Variants in GREB1L observed in about 807,000 individuals in gnomAD.
GREB1L encodes GREB1 like retinoic acid receptor coactivator.
A neutral mutation model predicts 200.8 loss-of-function variants in GREB1L; 17 were observed. The ratio of observed to expected loss-of-function variants is 0.08; its 90% CI spans 0.06 to 0.13. The LOEUF is 0.13. GREB1L is among the 10% of genes least tolerant of loss of function. The pLI, the probability that GREB1L is intolerant of heterozygous loss-of-function variation, is 1.00. For synonymous variants in GREB1L, 789 were observed against 893.0 expected (o/e 0.88, Z 2.08); for missense variants, 1,657 against 2,367.7 (o/e 0.70, Z 6.23).
At chr18:21,283,023 T>G (rs1262648419) in intron 1 of GREB1L, among the ~76,000 whole-genome samples, 1 of 152,254 alleles carries the variant, frequency 6.6e-6, no homozygotes, top group Non-Finnish European at 1.5e-5. Context: ...AAAAATGATG[T>G]AATGCATACT....
intron 28 of GREB1L, 107 bp downstream of exon 28, chr18:21,514,093 AGC>A: frequency 2.7e-6 from 3 of 1,116,278 alleles, no homozygotes; most frequent in Non-Finnish European, 3.8e-6. Flanking sequence ...AGCTTTCCAG[AGC>A]AAAACAGTCA....
chr18:21,450,803 CT>C (rs1057482443), intron 12 of GREB1L: 8 of 439,374 alleles, frequency 1.8e-5, no homozygotes, highest in African/African-American at 4.0e-5. Context: ...TTTTGTTCCC[CT>C]GATCATCTGT....
intron 25 of GREB1L, among the ~76,000 whole-genome samples, chr18:21,506,615 G>T (rs2037032185): frequency 6.6e-6 from 1 of 152,182 alleles, no homozygotes; most frequent in Non-Finnish European, 1.5e-5. Flanking sequence ...TCCCTTTGGA[G>T]CACTGACTAA....
In GREB1L at chr18:21,473,231, C is replaced by A. The variant is rs550415453; in HGVS notation, c.2363+20C>A. The A allele has an allele frequency of 1.7e-5, 25 of 1,444,746 alleles. No individual in the cohort carries two copies. Among genetic ancestry groups the A allele is most frequent in the Non-Finnish European group, 2.0e-5 (22 of 1,086,734 alleles). 89.5% of individuals were successfully genotyped at this position (1,444,746 alleles called of 1,614,324 possible). ...AACGAGGTGATTGGTTCAGAGTGAG[C>A]AAATGGAGTCTCCCTTCTACAGGAA... On this transcript the variant is annotated intron_variant, in intron 16 of 32. Coordinates refer to ENST00000424526, the MANE Select transcript of GREB1L (RefSeq NM_001142966.3).
chr18:21,522,780 G>A lies in GREB1L; in HGVS notation c.5731G>A (p.Asp1911Asn). 6.4e-7 allele frequency: 1 copy of A among 1,551,662 alleles called. No homozygotes were observed. Among genetic ancestry groups the A allele is most frequent in the Non-Finnish European group, 8.7e-7 (1 of 1,146,962 alleles). The change falls in exon 33 of 33, where the codon GAT becomes AAT. Residue 1911 changes from aspartate to asparagine, a missense_variant. Physicochemically the swap from Asp to Asn is conservative, Grantham distance 23. Coordinates refer to ENST00000424526, the MANE Select transcript of GREB1L (RefSeq NM_001142966.3). ...CGAGTTTCAAACTGCTAACAGCAGT[G>A]ATGACAAGCCTCTCTACTTTCTTAC... ...RDEFQTANSS[D>N]DKPLYFLTGR...
At chr18:21,427,276 G>C (rs551515973) in intron 7 of GREB1L, among the ~76,000 whole-genome samples, 181 of 152,162 alleles carry the variant, frequency 1.2e-3, no homozygotes, top group Non-Finnish European at 2.2e-3. Flanking sequence ...GGCTGAGGCA[G>C]GCTGATCTCT....
chr18:21,350,913 A>G (rs1453106475), intron 1 of GREB1L, among the ~76,000 whole-genome samples: 2 of 152,196 alleles, frequency 1.3e-5, no homozygotes, highest in African/African-American at 4.8e-5. Context: ...CCCATACCCC[A>G]TATTCCTGGC....
chr18:21,282,821 A>G (rs763842360), intron 1 of GREB1L, among the ~76,000 whole-genome samples: 131 of 152,302 alleles, frequency 8.6e-4, no homozygotes, highest in Non-Finnish European at 1.6e-3. Flanking sequence ...GCTGGTCTCG[A>G]ACCCCTGACC....
intron 1 of GREB1L, among the ~76,000 whole-genome samples, chr18:21,267,189 CTTTTTTT>C (rs751150056): frequency 9.2e-6 from 1 of 108,718 alleles, no homozygotes; most frequent in Admixed American, 1.1e-4. Flanking sequence ...GCCTCGGCCG[CTTTTTTT>C]TTTTTTTTTT....
At chr18:21,444,143 T>G (rs1290575480) in intron 10 of GREB1L, 81 bp from the exon 11 acceptor site, 1 of 968,556 alleles carries the variant, frequency 1.0e-6, no homozygotes, top group Admixed American at 2.9e-5. Context: ...TTAAGCAGCT[T>G]TGATCGTCGT....
chr18:21,388,680 G>A (rs1164120444), intron 4 of GREB1L, among the ~76,000 whole-genome samples: 1 of 151,630 alleles, frequency 6.6e-6, no homozygotes, highest in Non-Finnish European at 1.5e-5. Flanking sequence ...GAGTAGCTGG[G>A]ACTACAGGCT....
chr18:21,319,825 A>C (rs920751382), intron 1 of GREB1L, among the ~76,000 whole-genome samples: 1 of 152,236 alleles, frequency 6.6e-6, no homozygotes, highest in African/African-American at 2.4e-5. Context: ...AATAATTTTT[A>C]GTTATGAACA....
At chr18:21,434,573 A>ATATATATGTGTG (rs762886983) in intron 7 of GREB1L, among the ~76,000 whole-genome samples, 26,955 of 122,248 alleles carry the variant, frequency 0.22, 4,303 homozygotes, top group African/African-American at 0.41. Context: ...ATATGTGTGT[A>ATATATATGTGTG]TATATATATA....
chr18:21,339,319 G>T (rs2039234814), intron 1 of GREB1L, among the ~76,000 whole-genome samples: 1 of 152,128 alleles, frequency 6.6e-6, no homozygotes, highest in African/African-American at 2.4e-5. Context: ...CTATTCTAAG[G>T]CAGTTTTAGG....
chr18:21,470,758 GA>G (rs969689620), intron 15 of GREB1L, among the ~76,000 whole-genome samples: 21 of 150,960 alleles, frequency 1.4e-4, no homozygotes, highest in Admixed American at 4.0e-4. Context: ...AATATGCATA[GA>G]AAAAAAACAG....
chr18:21,484,722 C>A (rs1284061986), intron 17 of GREB1L, among the ~76,000 whole-genome samples: 2 of 152,076 alleles, frequency 1.3e-5, no homozygotes, highest in Non-Finnish European at 2.9e-5. Flanking sequence ...ACTCGGGAGG[C>A]TGAGGCAGGA....
intron 1 of GREB1L, among the ~76,000 whole-genome samples, chr18:21,334,739 A>C (rs924539546): frequency 1.3e-5 from 2 of 151,546 alleles, no homozygotes; most frequent in African/African-American, 4.9e-5. Context: ...GCGCCACTGC[A>C]CTCCAGCCTG....
intron 7 of GREB1L, among the ~76,000 whole-genome samples, chr18:21,412,384 G>A (rs1246930978): frequency 2.6e-5 from 4 of 152,264 alleles, no homozygotes; most frequent in Non-Finnish European, 5.9e-5. Flanking sequence ...CTGCACTCCA[G>A]CCTGGGCAAC....
intron 2 of GREB1L, chr18:21,380,473 T>G (rs1375328372): frequency 6.6e-6 from 1 of 152,118 alleles, no homozygotes; most frequent in Non-Finnish European, 1.5e-5. Context: ...ATCCCTCTCT[T>G]TGATAGAAGG....
Sources: allele counts gnomAD v4.1 joint callset (sites outside exome capture counted in the v4.1 genomes callset), GRCh38; gene constraint gnomAD v4.1.1; transcripts MANE v1.5; gene names NCBI Gene and HGNC (gene_info 2026-07-23, HGNC 2026-07-21).